The following CAMKK1 variants were observed in gnomAD, a reference collection of about 807,000 sequenced individuals.
CAMKK1 encodes calcium/calmodulin dependent protein kinase kinase 1.
In CAMKK1, 20 loss-of-function variants were observed where a neutral mutation model predicts 63.5. That is an observed-to-expected ratio of 0.32 (90% CI 0.22 to 0.46). CAMKK1 has a LOEUF of 0.46. Among genes scored for constraint, CAMKK1 ranks in the 20% least tolerant of loss-of-function variants. The pLI, the probability that CAMKK1 is intolerant of heterozygous loss-of-function variation, is 1.00. For synonymous variants in CAMKK1, 253 were observed against 269.0 expected (o/e 0.94, Z 0.58); for missense variants, 588 against 658.1 (o/e 0.89, Z 1.17).
intron 13 of CAMKK1, 51 bp downstream of exon 13, chr17:3,869,750 G>A: frequency 6.2e-7 from 1 of 1,602,304 alleles, no homozygotes; most frequent in Non-Finnish European, 8.6e-7. Flanking sequence ...AAGGGAAAGT[G>A]ACTCCTGTTT....
intron 15 of CAMKK1, among the ~76,000 whole-genome samples, chr17:3,864,954 G>C (rs2143777553): frequency 6.6e-6 from 1 of 152,338 alleles, no homozygotes; most frequent in East Asian, 1.9e-4. Flanking sequence ...CACCCGGACA[G>C]CGCCTGGCAC....
chr17:3,872,124 C>A (rs972532661), intron 12 of CAMKK1, among the ~76,000 whole-genome samples: 2 of 152,200 alleles, frequency 1.3e-5, no homozygotes, highest in Admixed American at 1.3e-4. Flanking sequence ...GGCTTGAGTC[C>A]CAGCCCCCTG....
intron 13 of CAMKK1, 46 bp from the exon 14 acceptor site, chr17:3,869,661 T>C (rs1331707849): frequency 6.2e-7 from 1 of 1,613,580 alleles, no homozygotes; most frequent in Non-Finnish European, 8.5e-7. Flanking sequence ...GTCAGGCCAT[T>C]ACCAGAATCA....
In CAMKK1 at chr17:3,884,375, C is replaced by T; in HGVS notation, c.408+5G>A. 1.2e-6 allele frequency: 2 copies of T among 1,613,922 alleles called. No homozygotes were observed. Among genetic ancestry groups the T allele is most frequent in the Non-Finnish European group, 1.7e-6 (2 of 1,179,902 alleles). On this transcript the variant is annotated splice_donor_5th_base_variant and intron_variant, in intron 3 of 15. Coordinates refer to ENST00000348335, the MANE Select transcript of CAMKK1 (RefSeq NM_032294.3). The surrounding 1 kb of genome is among the most constrained non-coding windows in gnomAD (Gnocchi z 4.5). ...CCCCACTGCTCTCGGCCTGCCCACTCCTACCTTGCCAATCTCACTCTGCAG... is the reference window on the plus strand; with the variant it reads ...CCCCACTGCTCTCGGCCTGCCCACTTCTACCTTGCCAATCTCACTCTGCAG...
At chr17:3,863,322 C>T (rs1049248953) in intron 15 of CAMKK1, among the ~76,000 whole-genome samples, 1 of 151,888 alleles carries the variant, frequency 6.6e-6, no homozygotes, top group Non-Finnish European at 1.5e-5. Flanking sequence ...ATGGTGAAAT[C>T]CCGTCTCTAA....
Position 3,882,711 on chromosome 17 carries a change from A to T in CAMKK1, c.649-147T>A, listed in dbSNP as rs2055467889. 1.2e-6 allele frequency: 1 copy of T among 801,702 alleles called. No individual in the cohort carries two copies. The highest frequency in any genetic ancestry group is 1.7e-5 in the African/African-American group (1 of 57,928). The allele number at this position is 801,702 out of a possible 1,614,324, so 49.7% of individuals were successfully genotyped here. A position where few individuals can be genotyped will look rare whatever the true frequency, so the allele number is the denominator to read the frequency against. On this transcript the variant is annotated intron_variant, in intron 6 of 15. Transcript: ENST00000348335. The surrounding 1 kb of genome is among the most constrained non-coding windows in gnomAD (Gnocchi z 4.3). ...AAGCAGGAAGTGTACAGGTGGTGCC[A>T]GACTGATGGGGCCTCAGAAGTCACC... is the stretch of plus-strand genomic sequence containing the variant.
In CAMKK1 at chr17:3,866,077, G is replaced by A. The variant is rs1175893796; in HGVS notation, c.1342-66C>T. On this transcript the variant is annotated intron_variant, in intron 14 of 15. Transcript: ENST00000348335. Reference sequence around the variant, plus strand: ...CTCCCAGACACGCAGCCTCTGCTCCGATTCCCCGAGAGCAGCTGCCAAGGG... The same window carrying A: ...CTCCCAGACACGCAGCCTCTGCTCCAATTCCCCGAGAGCAGCTGCCAAGGG... The A allele has an allele frequency of 7.0e-6, 11 of 1,571,048 alleles. No homozygotes were observed. In the East Asian group the frequency reaches 9.3e-5, roughly 13 times the overall value.
Position 3,880,438 on chromosome 17 carries a change from T to C in CAMKK1, c.708-4A>G, listed in dbSNP as rs780431300. 1.9e-6 allele frequency: 3 copies of C among 1,612,274 alleles called. No homozygotes were observed. Among genetic ancestry groups the C allele is most frequent in the Non-Finnish European group, 2.5e-6 (3 of 1,179,194 alleles). ...ACAGGGCACTTCCATGACGGGCCTA[T>C]GGAGAAGGATGCGGGGAGGGGCATT... is the stretch of plus-strand genomic sequence containing the variant. On this transcript the variant is annotated splice_polypyrimidine_tract_variant and splice_region_variant and intron_variant, in intron 8 of 15. Coordinates refer to ENST00000348335, the MANE Select transcript of CAMKK1 (RefSeq NM_032294.3).
In CAMKK1 at chr17:3,862,277, T is replaced by G; in HGVS notation, c.1452A>C (p.Glu484Asp). 1.8e-5 allele frequency: 29 copies of G among 1,581,166 alleles called. No homozygotes were observed. Among genetic ancestry groups the G allele is most frequent in the Non-Finnish European group, 2.3e-5 (27 of 1,162,400 alleles). The change falls in exon 16 of 16, where the codon GAA (glutamate) becomes GAC (aspartate). Residue 484 changes from glutamate (E) to aspartate (D), a missense_variant. By Grantham distance (45) the Glu-to-Asp change is conservative. Coordinates refer to ENST00000348335, the MANE Select transcript of CAMKK1 (RefSeq NM_032294.3). The surrounding 1 kb of genome is among the most constrained non-coding windows in gnomAD (Gnocchi z 4.1). ...GGCTCTTGCCCCCTTCACCAAACCC[T>G]TCTTTCCTGTTCAGGGGACACCAGG... ...MSAPGNLLVK[E>D]GFGEGGKSPE...
At chr17:3,872,471 T>G (rs1222781152) in intron 12 of CAMKK1, 83 bp downstream of exon 12, 3 of 1,144,212 alleles carry the variant, frequency 2.6e-6, no homozygotes, top group Non-Finnish European at 3.9e-6. Context: ...TGGGGTGGGG[T>G]CCTCAGAGGG....
chr17:3,883,764 G>T lies in CAMKK1; in HGVS notation c.462+120C>A. ...AGCTCATTCCTTTGCATACCCCTAG[G>T]GACAGGGAGCTCACTCTCAGGCAGC... On this transcript the variant is annotated intron_variant, in intron 4 of 15. Transcript: ENST00000348335. The surrounding 1 kb of genome is among the most constrained non-coding windows in gnomAD (Gnocchi z 4.7). 2.1e-6 allele frequency: 2 copies of T among 950,224 alleles called. No homozygotes were observed. The allele number at this position is 950,224 out of a possible 1,614,324, so 58.9% of individuals were successfully genotyped here.
Position 3,890,560 on chromosome 17 carries a change from C to G in CAMKK1, c.-44+2379G>C. 1.3e-6 allele frequency: 1 copy of G among 751,484 alleles called. No individual in the cohort carries two copies. Among genetic ancestry groups the G allele is most frequent in the South Asian group, 1.4e-5 (1 of 69,844 alleles). The allele number at this position is 751,484 out of a possible 1,614,324, so 46.6% of individuals were successfully genotyped here. On this transcript the variant is annotated intron_variant, in intron 1 of 15. Transcript: ENST00000348335. The surrounding 1 kb of genome is among the most constrained non-coding windows in gnomAD (Gnocchi z 6.5). The stretch of plus-strand genomic sequence containing the variant: ...ATCTTCCCCAAACCTGCTCGTCCTC[C>G]TCTGTCTCCATTGCGAGACGGGTAC...
intron 10 of CAMKK1, among the ~76,000 whole-genome samples, chr17:3,875,658 G>C (rs2143839314): frequency 6.6e-6 from 1 of 152,264 alleles, no homozygotes; most frequent in Admixed American, 6.5e-5. Flanking sequence ...TGGGGTGGCT[G>C]GCACTCCATA....
Position 3,881,953 on chromosome 17 carries a change from C to T in CAMKK1, c.686-305G>A, listed in dbSNP as rs1433421024. The stretch of plus-strand genomic sequence containing the variant: ...AAATTTTCCTAAAGGTCATAGCAGA[C>T]AGGCAGGTAGGGTAGGGAGTGGAGA... On this transcript the variant is annotated intron_variant, in intron 7 of 15. Coordinates refer to ENST00000348335, the MANE Select transcript of CAMKK1 (RefSeq NM_032294.3). 5 of 535,698 alleles carry T rather than the reference C, an allele frequency of 9.3e-6. 1 individual carries two copies. Among genetic ancestry groups the T allele is most frequent in the South Asian group, 2.5e-5 (1 of 39,700 alleles). 33.2% of individuals were successfully genotyped at this position (535,698 alleles called of 1,614,324 possible).
In CAMKK1 at chr17:3,862,337, G is replaced by A. The variant is rs2054357420; in HGVS notation, c.1446-54C>T. ...ACCTCAGGGTCAGAATATGCACTCA[G>A]GGAGACACTCTCCCTCACACACACA... On this transcript the variant is annotated intron_variant, in intron 15 of 15. Coordinates refer to ENST00000348335, the MANE Select transcript of CAMKK1 (RefSeq NM_032294.3). The surrounding 1 kb of genome is among the most constrained non-coding windows in gnomAD (Gnocchi z 4.1). 4 of 1,337,620 alleles carry A rather than the reference G, an allele frequency of 3.0e-6. No individual in the cohort carries two copies. In the Admixed American group the frequency reaches 5.9e-5, roughly 20 times the overall value. 82.9% of individuals were successfully genotyped at this position (1,337,620 alleles called of 1,614,324 possible). A position where few individuals can be genotyped will look rare whatever the true frequency, so the allele number is the denominator to read the frequency against.
intron 12 of CAMKK1, among the ~76,000 whole-genome samples, chr17:3,871,333 G>GGTTTTTTTTTTTTGTTTTTTTTTTTTTTT (rs1567617833): frequency 9.0e-6 from 1 of 111,006 alleles, no homozygotes; most frequent in African/African-American, 3.2e-5. Context: ...GTTGTTTTTT[G>GGTTTTTTTTTTTTGTTTTTTTTTTTTTTT]TTTTTTTTTT....
chr17:3,869,261 G>A (rs558892705), intron 14 of CAMKK1, among the ~76,000 whole-genome samples: 42 of 152,198 alleles, frequency 2.8e-4, no homozygotes, highest in Non-Finnish European at 4.0e-4. Flanking sequence ...CCGGCCCCAC[G>A]CCCGCTATTT....
In CAMKK1 at chr17:3,862,405, G is replaced by C. The variant is rs1317549806; in HGVS notation, c.1446-122C>G. 214 of 859,360 alleles carry C rather than the reference G, an allele frequency of 2.5e-4. No homozygotes were observed. Among genetic ancestry groups the C allele is most frequent in the Non-Finnish European group, 5.6e-6 (3 of 540,134 alleles). The allele number at this position is 859,360 out of a possible 1,614,324, so 53.2% of individuals were successfully genotyped here. A position where few individuals can be genotyped will look rare whatever the true frequency, so the allele number is the denominator to read the frequency against. On this transcript the variant is annotated intron_variant, in intron 15 of 15. Coordinates refer to ENST00000348335, the MANE Select transcript of CAMKK1 (RefSeq NM_032294.3). The surrounding 1 kb of genome is among the most constrained non-coding windows in gnomAD (Gnocchi z 4.1). Reference sequence around the variant, plus strand: ...TCTCTCAAAGCCCCCTTCACCCACTGCCCCAAGCTTGGCCTCCCTCTGGCC... The same window carrying C: ...TCTCTCAAAGCCCCCTTCACCCACTCCCCCAAGCTTGGCCTCCCTCTGGCC...
In CAMKK1 at chr17:3,871,347, G is replaced by GTTTTTTTTTTTTTTTTTTTTTT. The variant is rs869219931; in HGVS notation, c.1124+1185_1124+1206dup. On this transcript the variant is annotated intron_variant, in intron 12 of 15. Coordinates refer to ENST00000348335, the MANE Select transcript of CAMKK1 (RefSeq NM_032294.3). Reference sequence around the variant, plus strand: ...TGTTGTTTTTTGTTTTTTTTTTTTTGTTTTTTTTTTTTTTTTTTTTTTTTT... The same window carrying GTTTTTTTTTTTTTTTTTTTTTT: ...TGTTGTTTTTTGTTTTTTTTTTTTTGTTTTTTTTTTTTTTTTTTTTTTTTTTTTTTTTTTTTTTTTTTTTTTT... Among the ~76,000 whole-genome samples the GTTTTTTTTTTTTTTTTTTTTTT allele has an allele frequency of 9.7e-4, 101 of 104,366 alleles. 1 individual carries two copies. The highest frequency in any genetic ancestry group is 1.4e-3 in the Non-Finnish European group (76 of 52,808). The allele number at this position is 104,366 out of a possible 152,430, so 68.5% of individuals were successfully genotyped here. A position where few individuals can be genotyped will look rare whatever the true frequency, so the allele number is the denominator to read the frequency against.
Sources: gnomAD v4.1 joint callset for allele counts (sites outside exome capture counted in the v4.1 genomes callset) on GRCh38, gnomAD v4.1.1 for gene constraint, Gnocchi (gnomAD v3.1) non-coding constraint, MANE v1.5 for transcripts, NCBI Gene and HGNC (gene_info 2026-07-23, HGNC 2026-07-21) for gene names.